The following ZNF530 variants were observed in gnomAD, a reference collection of about 807,000 sequenced individuals.
ZNF530 encodes zinc finger protein 530.
Under a neutral mutation model 2.8 loss-of-function variants are expected in ZNF530, and 5 were observed. That is an observed-to-expected ratio of 1.80 (90% CI 0.94 to 3.78). The LOEUF is 3.78. Among genes scored for constraint, ZNF530 ranks in the 30% most tolerant of loss-of-function variants. ZNF530 has a pLI of 0.00. For missense variants in ZNF530, 619 were observed against 673.3 expected (o/e 0.92, Z 0.89); for synonymous variants, 229 against 235.0 (o/e 0.97, Z 0.23).
chr19:57,610,732 C>G (rs1223266770), downstream of ZNF530, among the ~76,000 whole-genome samples: 1 of 152,082 alleles, frequency 6.6e-6, no homozygotes, highest in South Asian at 2.1e-4. Flanking sequence ...ACAAGGTGAC[C>G]GTTTTGGACA....
chr19:57,604,333 G>A lies in ZNF530; in HGVS notation c.-13G>A. The A allele has an allele frequency of 6.2e-7, 1 of 1,614,130 alleles. No individual in the cohort carries two copies. The highest frequency in any genetic ancestry group is 8.5e-7 in the Non-Finnish European group (1 of 1,179,996). ...TTTACTTCTCCCAGGAGGAGTGGGA[G>A]CTCCTTGATGAGATGCAGAGGCTCC... On this transcript the variant is annotated 5_prime_UTR_variant, in exon 3 of 4. Coordinates refer to ENST00000597700, the MANE Select transcript of ZNF530 (RefSeq NM_001321981.2).
In ZNF530 at chr19:57,606,293, A is replaced by G; in HGVS notation, c.669A>G (p.Arg223=). Reference sequence around the variant, plus strand: ...TTAGTCAAAGTTCTGGCTTTCTTCGACACAGGAAAGCACACGGTAGAACAA... The same window carrying G: ...TTAGTCAAAGTTCTGGCTTTCTTCGGCACAGGAAAGCACACGGTAGAACAA... The part of the protein sequence containing the change: ...KSFSQSSGFL[R]HRKAHGRTRT... Residue 223 remains arginine (R), a synonymous_variant, in exon 4 of 4, where the codon CGA becomes CGG. Transcript: ENST00000597700. 6.2e-7 allele frequency: 1 copy of G among 1,613,654 alleles called. No homozygotes were observed. Among genetic ancestry groups the G allele is most frequent in the Non-Finnish European group, 8.5e-7 (1 of 1,179,910 alleles).
At chr19:57,603,208 T>C (rs1980331123) in intron 2 of ZNF530, among the ~76,000 whole-genome samples, 1 of 152,232 alleles carries the variant, frequency 6.6e-6, no homozygotes, top group Non-Finnish European at 1.5e-5. Context: ...TCAGTTCTCG[T>C]GAGACTTATT....
Position 57,600,031 on chromosome 19 carries a change from G to A in ZNF530, c.-225G>A, listed in dbSNP as rs1980140198. The A allele has an allele frequency of 1.4e-6, 2 of 1,448,088 alleles. No individual in the cohort carries two copies. Among genetic ancestry groups the A allele is most frequent in the African/African-American group, 1.4e-5 (1 of 70,768 alleles). 89.7% of individuals were successfully genotyped at this position (1,448,088 alleles called of 1,614,324 possible). A position where few individuals can be genotyped will look rare whatever the true frequency, so the allele number is the denominator to read the frequency against. On this transcript the variant is annotated 5_prime_UTR_variant, in exon 1 of 4. Transcript: ENST00000597700. Reference sequence around the variant, plus strand: ...GCACAGCCGGGGCCTGACGGTCGCCGGCGGTGGTGACAGCTTTGCTCTTGT... The same window carrying A: ...GCACAGCCGGGGCCTGACGGTCGCCAGCGGTGGTGACAGCTTTGCTCTTGT...
In ZNF530 at chr19:57,599,900, C is replaced by T. The variant is rs1276799679; in HGVS notation, c.-356C>T. On this transcript the variant is annotated 5_prime_UTR_variant, in exon 1 of 4. Transcript: ENST00000597700. ...TTGTCGGAGCGGAACTTCCGGCGTC[C>T]TCCCTGTGGCGGGCACTTTGGCTTG... The T allele has an allele frequency of 5.8e-6, 3 of 514,244 alleles. No individual in the cohort carries two copies. Among genetic ancestry groups the T allele is most frequent in the African/African-American group, 1.9e-5 (1 of 51,896 alleles). 31.9% of individuals were successfully genotyped at this position (514,244 alleles called of 1,614,324 possible).
rs753691789 is a variant in ZNF530, at chr19:57,606,963, C to CGACACCAGACA, written c.1341_1351dup (p.Val451AspfsTer112). On this transcript the variant is annotated frameshift_variant, in exon 4 of 4. Transcript: ENST00000597700. LOFTEE classifies it low-confidence loss of function (END_TRUNC). ...ATTTAGTTGCAAAACTGACCTCATT[C>CGACACCAGACA]GACACCAGACAGTTCACACTGGAGA... 6.2e-7 allele frequency: 1 copy of CGACACCAGACA among 1,614,128 alleles called. No homozygotes were observed. Among genetic ancestry groups the CGACACCAGACA allele is most frequent in the South Asian group, 1.1e-5 (1 of 91,074 alleles).
rs543194263 is a variant in ZNF530 at position 57,600,321 on chromosome 19, GGAGCT to G, written c.-122+189_-122+193del. On this transcript the variant is annotated intron_variant, in intron 1 of 3. Transcript: ENST00000597700. ...CAGGGGGCTGCGCGGGCAACAGCTTGGAGCTGCGCCTGAGCCGGGAGGCTGGGGAG... is the reference window on the plus strand; with the variant it reads ...CAGGGGGCTGCGCGGGCAACAGCTTGGCGCCTGAGCCGGGAGGCTGGGGAG... Among the ~76,000 whole-genome samples the G allele has an allele frequency of 4.1e-4, 62 of 152,354 alleles. 1 individual carries two copies. The highest frequency in any genetic ancestry group is 6.8e-3 in the Middle Eastern group (2 of 294).
chr19:57,607,267 GA>G lies in ZNF530; in HGVS notation c.1647del (p.Lys549AsnfsTer10), dbSNP rs781358016. On this transcript the variant is annotated frameshift_variant, in exon 4 of 4. Transcript: ENST00000597700. LOFTEE classifies it low-confidence loss of function (END_TRUNC). ...AGGCCTTATGAATGCAGTGAATGTG[GA>G]AAATCCTTTAGCCAAAGCTCTGGCC... is the stretch of plus-strand genomic sequence containing the variant. ...GERPYECSEC[G>X]KSFSQSSGLL... 2 of 1,613,910 alleles carry G rather than the reference GA, an allele frequency of 1.2e-6. No homozygotes were observed. The highest frequency in any genetic ancestry group is 1.7e-6 in the Non-Finnish European group (2 of 1,179,970).
At chr19:57,605,144 C>G (rs1261958286) in intron 3 of ZNF530, 1 of 152,848 alleles carries the variant, frequency 6.5e-6, no homozygotes, top group Non-Finnish European at 1.5e-5. Context: ...TATCATTTCT[C>G]TCTTTTTTTT....
intron 2 of ZNF530, 73 bp from the exon 3 acceptor site, chr19:57,604,204 A>T (rs1980382798): frequency 1.2e-6 from 2 of 1,605,654 alleles, no homozygotes; most frequent in African/African-American, 2.7e-5. Context: ...TGAGCCAGGG[A>T]TGGATGTTTG....
At chr19:57,603,743 A>C (rs541161509) in intron 2 of ZNF530, among the ~76,000 whole-genome samples, 1 of 152,250 alleles carries the variant, frequency 6.6e-6, no homozygotes, top group African/African-American at 2.4e-5. Context: ...TGCCTGTGGC[A>C]GTAGGGACCA....
rs1980521984 is a variant in ZNF530, at chr19:57,606,200, A to G, written c.576A>G (p.Val192=). ...ESRKSFREKS[V]FIQHQRADSG... ...GGAAATCTTTTAGAGAGAAATCTGT[A>G]TTCATTCAACACCAAAGAGCTGACT... Residue 192 remains valine, a synonymous_variant, in exon 4 of 4, where the codon GTA becomes GTG. Coordinates refer to ENST00000597700, the MANE Select transcript of ZNF530 (RefSeq NM_001321981.2). The G allele has an allele frequency of 1.2e-6, 2 of 1,614,122 alleles. No individual in the cohort carries two copies. The highest frequency in any genetic ancestry group is 1.3e-5 in the African/African-American group (1 of 74,944).
At position 57,606,088 on chromosome 19, in the gene ZNF530, T is replaced by G. The variant is rs1599935285; in HGVS notation, c.464T>G (p.Val155Gly). 6.2e-7 allele frequency: 1 copy of G among 1,614,206 alleles called. No individual in the cohort carries two copies. The highest frequency in any genetic ancestry group is 1.1e-5 in the South Asian group (1 of 91,084). The change falls in exon 4 of 4, where the codon GTG becomes GGG. Residue 155 changes from valine (V) to glycine (G), a missense_variant. Coordinates refer to ENST00000597700, the MANE Select transcript of ZNF530 (RefSeq NM_001321981.2). Reference protein sequence around the residue: ...SATSGLLQHQVTPTIERPHSR... With the variant: ...SATSGLLQHQGTPTIERPHSR... ...ACCTCAGGACTTCTCCAGCATCAGGTGACTCCCACCATTGAGAGACCACAC... is the reference window on the plus strand; with the variant it reads ...ACCTCAGGACTTCTCCAGCATCAGGGGACTCCCACCATTGAGAGACCACAC...
chr19:57,604,509 G>A (rs1980404161), intron 3 of ZNF530, 103 bp downstream of exon 3: 3 of 1,463,606 alleles, frequency 2.0e-6, no homozygotes, highest in Non-Finnish European at 2.8e-6. Flanking sequence ...GAGCTCTACA[G>A]ACCTTCCCAC....
At chr19:57,602,493 ATAATAT>A (rs1298045615) in intron 2 of ZNF530, among the ~76,000 whole-genome samples, 1 of 152,160 alleles carries the variant, frequency 6.6e-6, no homozygotes, top group African/African-American at 2.4e-5. Flanking sequence ...GGTCATGATG[ATAATAT>A]TAATAGCAGG....
rs762197497 is a variant in ZNF530 at position 57,605,812 on chromosome 19, G to T, written c.188G>T (p.Cys63Phe). The T allele has an allele frequency of 6.2e-7, 1 of 1,614,166 alleles. No homozygotes were observed. Among genetic ancestry groups the T allele is most frequent in the Non-Finnish European group, 8.5e-7 (1 of 1,180,036 alleles). Residue 63 changes from cysteine to phenylalanine, a missense_variant, in exon 4 of 4, where the codon TGT (cysteine) becomes TTT (phenylalanine). Transcript: ENST00000597700. ...GATAAGAGTCACCCCTGTGAGATTTGTACCCCAGTCCTGAGAGACATTTTA... is the reference window on the plus strand; with the variant it reads ...GATAAGAGTCACCCCTGTGAGATTTTTACCCCAGTCCTGAGAGACATTTTA... Reference protein sequence around the residue: ...STDKSHPCEICTPVLRDILQM... With the variant: ...STDKSHPCEIFTPVLRDILQM...
intron 3 of ZNF530, 82 bp downstream of exon 3, chr19:57,604,488 A>G (rs1980403107): frequency 1.3e-6 from 2 of 1,533,434 alleles, no homozygotes; most frequent in South Asian, 1.3e-5. Context: ...TCCTTTCTTC[A>G]GTTAGACCCT....
At chr19:57,610,488 G>T (rs1322316109), downstream of ZNF530, among the ~76,000 whole-genome samples, 1 of 151,228 alleles carries the variant, frequency 6.6e-6, no homozygotes, top group African/African-American at 2.4e-5. Flanking sequence ...ATTGCATGTT[G>T]ATTACACCTC....
In ZNF530 at chr19:57,606,088, T is replaced by C; in HGVS notation, c.464T>C (p.Val155Ala). The C allele has an allele frequency of 1.2e-6, 2 of 1,614,206 alleles. No homozygotes were observed. The highest frequency in any genetic ancestry group is 2.2e-5 in the South Asian group (2 of 91,084). Residue 155 changes from valine to alanine, a missense_variant, in exon 4 of 4, where the codon GTG becomes GCG. By Grantham distance (64) the Val-to-Ala change is moderately conservative. Coordinates refer to ENST00000597700, the MANE Select transcript of ZNF530 (RefSeq NM_001321981.2). ...SATSGLLQHQ[V>A]TPTIERPHSR... ...ACCTCAGGACTTCTCCAGCATCAGG[T>C]GACTCCCACCATTGAGAGACCACAC... is the stretch of plus-strand genomic sequence containing the variant.
Sources: gnomAD v4.1 joint callset for allele counts (sites outside exome capture counted in the v4.1 genomes callset) on GRCh38, gnomAD v4.1.1 for gene constraint, MANE v1.5 for transcripts, NCBI Gene and HGNC (gene_info 2026-07-23, HGNC 2026-07-21) for gene names.